The following MYOCOS variants were observed in gnomAD, a reference collection of about 807,000 sequenced individuals.
MYOCOS encodes the protein myocilin opposite strand protein.
intron 1 of MYOCOS, among the ~76,000 whole-genome samples, chr1:171,601,355 T>C (rs1652137565): frequency 6.6e-6 from 1 of 152,138 alleles, no homozygotes; most frequent in Non-Finnish European, 1.5e-5. Flanking sequence ...TGGCTTGAAT[T>C]TTTTGGTACA....
At chr1:171,616,032 A>G (rs1411405488) in intron 2 of MYOCOS, among the ~76,000 whole-genome samples, 1 of 152,090 alleles carries the variant, frequency 6.6e-6, no homozygotes, top group African/African-American at 2.4e-5. Context: ...AGCCTGGCCA[A>G]CGTGGTGAAA....
chr1:171,608,888 C>A (rs887262915), intron 1 of MYOCOS, among the ~76,000 whole-genome samples: 10 of 152,266 alleles, frequency 6.6e-5, no homozygotes, highest in Admixed American at 2.6e-4. Context: ...GGAAATGAGT[C>A]CCTGAGTCCA....
intron 1 of MYOCOS, among the ~76,000 whole-genome samples, chr1:171,610,129 C>T (rs1652330494): frequency 6.6e-6 from 1 of 152,172 alleles, no homozygotes; most frequent in Admixed American, 6.5e-5. Flanking sequence ...AAGGGACAGC[C>T]TATCACTTCT....
intron 2 of MYOCOS, among the ~76,000 whole-genome samples, chr1:171,616,916 CTGT>C (rs1298559039): frequency 6.6e-6 from 1 of 152,192 alleles, no homozygotes; most frequent in Non-Finnish European, 1.5e-5. Context: ...TTCTAAGCCA[CTGT>C]TGTCTGTAAA....
intron 1 of MYOCOS, among the ~76,000 whole-genome samples, chr1:171,606,907 G>C (rs1652254624): frequency 6.6e-6 from 1 of 151,938 alleles, no homozygotes. Flanking sequence ...GCCTGACCAA[G>C]AGGGTGAAAC....
intron 1 of MYOCOS, among the ~76,000 whole-genome samples, chr1:171,603,029 G>A (rs950869748): frequency 4.6e-5 from 7 of 152,196 alleles, no homozygotes; most frequent in African/African-American, 1.2e-4. Flanking sequence ...TCCACCAGGC[G>A]TGGGCTGCAT....
In MYOCOS at chr1:171,623,778, C is replaced by T. The variant is rs910591736; in HGVS notation, c.-43-63C>T. 1.0e-5 allele frequency: 4 copies of T among 397,254 alleles called. No homozygotes were observed. In the Admixed American group the frequency reaches 1.8e-4, roughly 18 times the overall value. The allele number at this position is 397,254 out of a possible 1,614,324, so 24.6% of individuals were successfully genotyped here. On this transcript the variant is annotated intron_variant, in intron 1 of 2. Coordinates refer to ENST00000637642, the MANE Select transcript of MYOCOS (RefSeq NM_001391940.1). ...TCTCTGCAAACTGCGCCATTCTGGA[C>T]CTAGCTGGAGCATTCCTGACCCCTG...
chr1:171,612,238 C>T (rs1398836167), intron 1 of MYOCOS, among the ~76,000 whole-genome samples: 1 of 151,968 alleles, frequency 6.6e-6, no homozygotes, highest in Non-Finnish European at 1.5e-5. Flanking sequence ...GCCACCATGC[C>T]TGGCTAATTT....
At chr1:171,618,305 C>A (rs778172234), upstream of MYOCOS, among the ~76,000 whole-genome samples, 9 of 152,192 alleles carry the variant, frequency 5.9e-5, 1 homozygote, top group Non-Finnish European at 1.3e-4. Flanking sequence ...CATAACCCCA[C>A]CTTAGTGCTG....
chr1:171,624,033 T>G (rs1652630236), intron 2 of MYOCOS, 55 bp downstream of exon 2: 1 of 398,434 alleles, frequency 2.5e-6, no homozygotes, highest in African/African-American at 2.1e-5. Context: ...AGCATAACAC[T>G]GAGCCCCAGC....
chr1:171,622,244 T>A lies in MYOCOS; in HGVS notation c.-132T>A, dbSNP rs1652590172. ...AGATAGCGCTTCCCCATTGCTCACA[T>A]GACAGAAAGCTCTTCCCCTGCTCTG... On this transcript the variant is annotated 5_prime_UTR_variant, in exon 1 of 3. The change abolishes an upstream ATG in the 5' untranslated region. Transcript: ENST00000637642. 1 of 152,234 alleles carries A rather than the reference T, an allele frequency of 6.6e-6. No homozygotes were observed. The highest frequency in any genetic ancestry group is 2.4e-5 in the African/African-American group (1 of 41,456). The allele number at this position is 152,234 out of a possible 1,614,324, so 9.4% of individuals were successfully genotyped here.
exon 2 of MYOCOS, chr1:171,614,926 AC>A (rs2102935867): frequency 6.6e-6 from 1 of 152,304 alleles, no homozygotes; most frequent in Non-Finnish European, 1.5e-5. Context: ...AAATGCAAAG[AC>A]CTGACCTGAA....
chr1:171,604,344 G>A (rs1003978055), intron 1 of MYOCOS: 4 of 152,128 alleles, frequency 2.6e-5, no homozygotes, highest in African/African-American at 9.7e-5. Flanking sequence ...CTCAGACTGA[G>A]GGCTGTTCCC....
At chr1:171,621,252 T>A (rs1051125771), upstream of MYOCOS, among the ~76,000 whole-genome samples, 7 of 152,162 alleles carry the variant, frequency 4.6e-5, no homozygotes, top group Non-Finnish European at 7.3e-5. Context: ...TTTGACTGTT[T>A]TCGTTGACAA....
intron 1 of MYOCOS, among the ~76,000 whole-genome samples, chr1:171,613,632 T>G (rs1216298873): frequency 6.6e-6 from 1 of 152,056 alleles, no homozygotes; most frequent in Non-Finnish European, 1.5e-5. Context: ...GCTGCAACCT[T>G]GAACTCCTGG....
rs986662755 is a variant in MYOCOS at position 171,604,005 on chromosome 1, G to A, written c.-252+2925G>A. The A allele has an allele frequency of 3.9e-5, 6 of 152,296 alleles. 1 individual carries two copies. The South Asian group carries it at 1.0e-3, about 26-fold the overall frequency. The allele number at this position is 152,296 out of a possible 1,614,324, so 9.4% of individuals were successfully genotyped here. A position where few individuals can be genotyped will look rare whatever the true frequency, so the allele number is the denominator to read the frequency against. On this transcript the variant is annotated intron_variant, in intron 1 of 3. Transcript: ENST00000636697. Reference sequence around the variant, plus strand: ...CTGTGAAAATCCCCGCATAACCACTGAAGTTTGCAACACCCTAACCCCGCC... The same window carrying A: ...CTGTGAAAATCCCCGCATAACCACTAAAGTTTGCAACACCCTAACCCCGCC...
chr1:171,624,990 G>T (rs1219326562), intron 2 of MYOCOS, among the ~76,000 whole-genome samples: 4 of 152,102 alleles, frequency 2.6e-5, no homozygotes, highest in Non-Finnish European at 5.9e-5. Flanking sequence ...CAAAATTATT[G>T]ATTTGAAATA....
intron 2 of MYOCOS, among the ~76,000 whole-genome samples, chr1:171,615,784 T>C (rs1174104345): frequency 6.6e-6 from 1 of 152,210 alleles, no homozygotes; most frequent in Non-Finnish European, 1.5e-5. Context: ...GGGACAGAAG[T>C]TGTGCATTCG....
chr1:171,601,621 A>C (rs911387405), intron 1 of MYOCOS, among the ~76,000 whole-genome samples: 3 of 152,186 alleles, frequency 2.0e-5, no homozygotes, highest in Non-Finnish European at 4.4e-5. Context: ...TGTGACATAG[A>C]CTGGCCAGCA....
Sources: gnomAD v4.1 joint callset for allele counts (sites outside exome capture counted in the v4.1 genomes callset) on GRCh38, gnomAD v4.1.1 for gene constraint, MANE v1.5 for transcripts, NCBI Gene and HGNC (gene_info 2026-07-23, HGNC 2026-07-21) for gene names.